The following DMD variants were observed in gnomAD, a reference collection of about 807,000 sequenced individuals.
DMD encodes the protein mutant dystrophin.
Under a neutral mutation model 330.1 loss-of-function variants are expected in DMD, and 63 were observed. That is an observed-to-expected ratio of 0.19 (90% CI 0.16 to 0.24). The LOEUF (loss-of-function observed/expected upper bound fraction) is 0.24. Among genes scored for constraint, DMD ranks in the 10% least tolerant of loss-of-function variants. The pLI, the probability that DMD is intolerant of heterozygous loss-of-function variation, is 1.00. For synonymous variants in DMD, 1,223 were observed against 959.8 expected, an observed-to-expected ratio of 1.27 and a Z score of -5.07; for missense variants, 3,344 against 2,684.1, an observed-to-expected ratio of 1.25 and a Z score of -5.43.
chrX:32,799,375 AT>A (rs1342346856), intron 7 of DMD, among the ~76,000 whole-genome samples: 1 of 111,346 alleles, frequency 9.0e-6, no homozygotes, highest in African/African-American at 3.3e-5. Flanking sequence ...GTCATTATTC[AT>A]TTTTGTTCTA....
At chrX:32,324,196 C>T (rs2148677166) in intron 41 of DMD, among the ~76,000 whole-genome samples, 1 of 111,323 alleles carries the variant, frequency 9.0e-6, no homozygotes, top group South Asian at 3.7e-4. Flanking sequence ...GATGGATACC[C>T]TAACTATCCT....
Position 32,213,738 on chromosome X carries a change from G to C in DMD, c.6438+3178C>G, listed in dbSNP as rs558652198. Among the ~76,000 whole-genome samples the C allele has an allele frequency of 4.3e-4, 47 of 109,755 alleles. No individual in the cohort carries two copies. In the South Asian group the frequency reaches 0.018, roughly 42 times the overall value. Reference sequence around the variant, plus strand: ...GTCTGCAATCCCAGCACTTTGGGAGGCTGAGACAGGCAGACCACCTGAGGT... The same window carrying C: ...GTCTGCAATCCCAGCACTTTGGGAGCCTGAGACAGGCAGACCACCTGAGGT... On this transcript the variant is annotated intron_variant, in intron 44 of 78. Transcript: ENST00000357033.
intron 47 of DMD, among the ~76,000 whole-genome samples, chrX:31,889,645 T>A (rs367651490): frequency 0.049 from 3,270 of 67,380 alleles, 196 homozygotes; most frequent in African/African-American, 0.19. Flanking sequence ...TCTCTCTCTC[T>A]CTCACACACA....
At chrX:33,056,940 C>G (rs1035532004) in intron 1 of DMD, among the ~76,000 whole-genome samples, 1 of 111,430 alleles carries the variant, frequency 9.0e-6, no homozygotes, top group Non-Finnish European at 1.9e-5. Flanking sequence ...TTTCTTCTTT[C>G]TCGTTCTCTG....
At chrX:33,174,375 G>A (rs1238920902) in intron 1 of DMD, among the ~76,000 whole-genome samples, 2 of 111,481 alleles carry the variant, frequency 1.8e-5, no homozygotes, top group East Asian at 2.8e-4. Flanking sequence ...TATAATAAAT[G>A]TTGCTGTGGA....
chrX:32,825,721 C>T (rs1051900305), intron 4 of DMD, among the ~76,000 whole-genome samples: 4 of 111,488 alleles, frequency 3.6e-5, no homozygotes, highest in African/African-American at 1.3e-4. Context: ...CAAACTACAA[C>T]ATAAATGAAC....
intron 2 of DMD, among the ~76,000 whole-genome samples, chrX:32,858,391 G>T (rs775638187): frequency 2.1e-4 from 23 of 112,141 alleles, no homozygotes; most frequent in African/African-American, 7.4e-4. Context: ...GTGCAGTGGC[G>T]CAATCTTGGC....
chrX:32,524,507 CTTT>C lies in DMD; in HGVS notation c.2169-6379_2169-6377del, dbSNP rs945580860. ...GAACTGGGGCTCAGCTCACACTGGT[CTTT>C]TTAAGAGGATAATCAAAAAACACCT... On this transcript the variant is annotated intron_variant, in intron 17 of 78. Coordinates refer to ENST00000357033, the MANE Select transcript of DMD (RefSeq NM_004006.3). 4.5e-5 allele frequency among the ~76,000 whole-genome samples: 5 copies of C among 111,977 alleles called. No individual in the cohort carries two copies. The South Asian group carries it at 1.1e-3, about 25-fold the overall frequency.
intron 54 of DMD, among the ~76,000 whole-genome samples, chrX:31,652,937 A>G (rs1231737671): frequency 9.0e-6 from 1 of 111,401 alleles, no homozygotes; most frequent in Non-Finnish European, 1.9e-5. Flanking sequence ...TTCTCTTAGG[A>G]TGAGGGAGAC....
At chrX:32,375,766 T>C (rs1230218185) in intron 34 of DMD, among the ~76,000 whole-genome samples, 2 of 111,591 alleles carry the variant, frequency 1.8e-5, no homozygotes, top group African/African-American at 6.5e-5. Context: ...TTTCTACATA[T>C]TTTATCCTTT....
chrX:32,881,227 A>G (rs1411217351), intron 2 of DMD, among the ~76,000 whole-genome samples: 2 of 112,475 alleles, frequency 1.8e-5, no homozygotes. Context: ...AGTTCTAAAA[A>G]CAATAGAAAC....
chrX:32,671,869 G>C (rs1357122744), intron 9 of DMD, among the ~76,000 whole-genome samples: 10 of 111,408 alleles, frequency 9.0e-5, no homozygotes, highest in Non-Finnish European at 1.3e-4. Context: ...ATATGCTTAT[G>C]CTTTATATAA....
At chrX:32,609,166 C>T (rs1388923731) in intron 12 of DMD, among the ~76,000 whole-genome samples, 2 of 110,593 alleles carry the variant, frequency 1.8e-5, no homozygotes, top group Non-Finnish European at 1.9e-5. Context: ...TGCTTTGTAC[C>T]TGTTTACAAT....
At chrX:32,858,732 T>C (rs1350400371) in intron 2 of DMD, among the ~76,000 whole-genome samples, 1 of 111,421 alleles carries the variant, frequency 9.0e-6, no homozygotes, top group Non-Finnish European at 1.9e-5. Flanking sequence ...ACATTTAGCC[T>C]GTAACTTTAT....
At chrX:32,809,933 AAAAAAAAAAAAAAGAAAGAAAG>A (rs1226123208) in intron 6 of DMD, among the ~76,000 whole-genome samples, 7 of 95,337 alleles carry the variant, frequency 7.3e-5, no homozygotes, top group Non-Finnish European at 1.2e-4. Context: ...AAAAAAAAAA[AAAAAAAAAAAAAAGAAAGAAAG>A]AAAGAAAGAA....
At chrX:32,030,510 G>A (rs891632877) in intron 44 of DMD, among the ~76,000 whole-genome samples, 1 of 112,023 alleles carries the variant, frequency 8.9e-6, no homozygotes, top group South Asian at 3.7e-4. Flanking sequence ...AGATGATAAG[G>A]AGATAGCAGT....
At chrX:32,912,754 A>C (rs1344944500) in intron 2 of DMD, among the ~76,000 whole-genome samples, 1 of 111,569 alleles carries the variant, frequency 9.0e-6, no homozygotes, top group African/African-American at 3.3e-5. Context: ...CAAGACTATA[A>C]AACAAAGCAA....
intron 2 of DMD, among the ~76,000 whole-genome samples, chrX:32,985,978 C>T (rs748488566): frequency 9.0e-6 from 1 of 111,302 alleles, no homozygotes; most frequent in Non-Finnish European, 1.9e-5. Context: ...ATGCATCTTT[C>T]CTCTAGCAAA....
chrX:31,642,124 T>G (rs893487157), intron 54 of DMD, among the ~76,000 whole-genome samples: 2 of 112,030 alleles, frequency 1.8e-5, no homozygotes, highest in Non-Finnish European at 3.8e-5. Context: ...GTCAACATTC[T>G]TTAATATTAT....
Sources: allele counts gnomAD v4.1 joint callset (sites outside exome capture counted in the v4.1 genomes callset), GRCh38; gene constraint gnomAD v4.1.1; transcripts MANE v1.5; gene names NCBI Gene and HGNC (gene_info 2026-07-23, HGNC 2026-07-21).